ELK3: variants seen among roughly 807,000 people sequenced by gnomAD.
ELK3 encodes the protein ETS domain-containing protein Elk-3.
Under a neutral mutation model 28.9 loss-of-function variants are expected in ELK3, and 10 were observed. The ratio of observed to expected loss-of-function variants is 0.35; its 90% CI spans 0.21 to 0.59. The LOEUF is 0.59. ELK3 is among the 20% of genes least tolerant of loss of function. The probability of loss-of-function intolerance (pLI) is 0.82; values close to 1 mark genes in which losing one functional copy is unlikely to be tolerated. For synonymous variants in ELK3, 272 were observed against 243.5 expected (o/e 1.12, Z -1.09); for missense variants, 463 against 517.3 (o/e 0.90, Z 1.02).
chr12:96,202,032 A>T (rs1951510742), intron 1 of ELK3, among the ~76,000 whole-genome samples: 2 of 152,068 alleles, frequency 1.3e-5, no homozygotes, highest in African/African-American at 4.8e-5. Context: ...CACCTGGTGA[A>T]ATTCCTCCTC....
At chr12:96,258,935 C>T (rs1482361721) in intron 3 of ELK3, among the ~76,000 whole-genome samples, 1 of 152,188 alleles carries the variant, frequency 6.6e-6, no homozygotes, top group Non-Finnish European at 1.5e-5. Flanking sequence ...GAAGAGGCTG[C>T]TACAGGGTAT....
At chr12:96,234,259 C>T (rs76851726) in intron 2 of ELK3, among the ~76,000 whole-genome samples, 5,135 of 152,228 alleles carry the variant, frequency 0.034, 138 homozygotes, top group African/African-American at 0.077. Flanking sequence ...GCCAGAGGCC[C>T]GGGAGCGCCG....
intron 1 of ELK3, among the ~76,000 whole-genome samples, chr12:96,206,403 G>A (rs1951538769): frequency 6.6e-6 from 1 of 151,268 alleles, no homozygotes; most frequent in Non-Finnish European, 1.5e-5. Flanking sequence ...CACAACTTCC[G>A]CCTCCCAGGT....
intron 4 of ELK3, among the ~76,000 whole-genome samples, chr12:96,265,844 AAG>A (rs1209293074): frequency 6.6e-6 from 1 of 152,248 alleles, no homozygotes; most frequent in African/African-American, 2.4e-5. Flanking sequence ...ATTCTAGAAA[AAG>A]TTAAAATTCT....
In ELK3 at chr12:96,247,433, C is replaced by T; in HGVS notation, c.701C>T (p.Ser234Leu). Residue 234 changes from serine to leucine, a missense_variant, in exon 3 of 5, where the codon TCA becomes TTA. By Grantham distance (145) the Ser-to-Leu change is moderately radical. Around this residue, in one of 2 missense-constraint regions of ELK3, gnomAD observed 408 missense variants for 414.8 expected, o/e 0.98. Transcript: ENST00000228741. This position sits in a 1 kb window ranked among gnomAD's most constrained non-coding sequence, Gnocchi z 5.5. Reference protein sequence around the residue: ...SLMLPNAASISSASPFSSRSP... With the variant: ...SLMLPNAASILSASPFSSRSP... ...ATGTTGCCAAACGCTGCCAGTATTT[C>T]ATCCGCCTCACCCTTCTCATCTCGG... The T allele has an allele frequency of 6.2e-7, 1 of 1,614,162 alleles. No homozygotes were observed. The highest frequency in any genetic ancestry group is 2.2e-5 in the East Asian group (1 of 44,886).
Position 96,269,822 on chromosome 12 carries a change from G to A in ELK3, c.*2642G>A, listed in dbSNP as rs767306510. 1.3e-5 allele frequency: 2 copies of A among 152,076 alleles called. No homozygotes were observed. The highest frequency in any genetic ancestry group is 2.9e-5 in the Non-Finnish European group (2 of 68,006). 9.4% of individuals were successfully genotyped at this position (152,076 alleles called of 1,614,324 possible). ...TTCAATAAAAACTTTGTGATAAAAG[G>A]TGTTTAGAGGTAACTGGATTGGCTT... is the stretch of plus-strand genomic sequence containing the variant. On this transcript the variant is annotated 3_prime_UTR_variant, in exon 5 of 5. Transcript: ENST00000228741.
At chr12:96,262,678 G>A (rs2137044809) in intron 4 of ELK3, among the ~76,000 whole-genome samples, 1 of 152,282 alleles carries the variant, frequency 6.6e-6, no homozygotes, top group East Asian at 1.9e-4. Context: ...GGCAAAAGTT[G>A]AAAATAGCAA....
chr12:96,247,099 A>G lies in ELK3; in HGVS notation c.367A>G (p.Lys123Glu). Residue 123 changes from lysine (K) to glutamate (E), a missense_variant, in exon 3 of 5, where the codon AAA becomes GAA. By Grantham distance (56) the Lys-to-Glu change is moderately conservative. Around this residue, in one of 2 missense-constraint regions of ELK3, gnomAD observed 408 missense variants for 414.8 expected, o/e 0.98. Transcript: ENST00000228741. This position sits in a 1 kb window ranked among gnomAD's most constrained non-coding sequence, Gnocchi z 5.5. ...KASPEGREAH[K>E]HGLAALRSTS... ...GTCTCCGGAGGGCCGCGAGGCCCACAAACACGGCCTGGCCGCCCTCAGAAG... is the reference window on the plus strand; with the variant it reads ...GTCTCCGGAGGGCCGCGAGGCCCACGAACACGGCCTGGCCGCCCTCAGAAG... 1.2e-6 allele frequency: 2 copies of G among 1,613,742 alleles called. No homozygotes were observed. The highest frequency in any genetic ancestry group is 1.7e-6 in the Non-Finnish European group (2 of 1,179,896).
rs948640788 is a variant in ELK3, at chr12:96,267,188, T to C, written c.*8T>C. On this transcript the variant is annotated 3_prime_UTR_variant, in exon 5 of 5. Transcript: ENST00000228741. ...AACTCTCAGAAATCCTGATGACGTCTGGCCACAATTAAGGACTCATTAACT... is the reference window on the plus strand; with the variant it reads ...AACTCTCAGAAATCCTGATGACGTCCGGCCACAATTAAGGACTCATTAACT... The C allele has an allele frequency of 1.2e-6, 2 of 1,610,032 alleles. No homozygotes were observed. Among genetic ancestry groups the C allele is most frequent in the African/African-American group, 2.7e-5 (2 of 74,870 alleles).
intron 2 of ELK3, among the ~76,000 whole-genome samples, chr12:96,235,565 G>A (rs114928017): frequency 6.6e-6 from 1 of 152,258 alleles, no homozygotes; most frequent in African/African-American, 2.4e-5. Flanking sequence ...CCAAGAAAGC[G>A]TCTTGCCCTA....
rs946408915 is a variant in ELK3 at position 96,269,707 on chromosome 12, A to G, written c.*2527A>G. 6.6e-6 allele frequency: 1 copy of G among 152,256 alleles called. No homozygotes were observed. Among genetic ancestry groups the G allele is most frequent in the African/African-American group, 2.4e-5 (1 of 41,470 alleles). The allele number at this position is 152,256 out of a possible 1,614,324, so 9.4% of individuals were successfully genotyped here. ...TATGGGAAAAGTTTTATAGAACTAT[A>G]TAACCTGAATGTTGGTCTCTTTGTA... is the stretch of plus-strand genomic sequence containing the variant. On this transcript the variant is annotated 3_prime_UTR_variant, in exon 5 of 5. Coordinates refer to ENST00000228741, the MANE Select transcript of ELK3 (RefSeq NM_005230.4).
chr12:96,203,361 G>T (rs1951518562), intron 1 of ELK3, among the ~76,000 whole-genome samples: 1 of 152,244 alleles, frequency 6.6e-6, no homozygotes. Flanking sequence ...GGGGATGCCT[G>T]CACGTGTCTG....
intron 2 of ELK3, among the ~76,000 whole-genome samples, chr12:96,226,718 G>C (rs185147555): frequency 4.9e-4 from 74 of 150,688 alleles, no homozygotes; most frequent in Non-Finnish European, 8.7e-4. Context: ...ACATGTGCAC[G>C]CATGGCTGGT....
At chr12:96,210,597 A>ACACACACACCCCC (rs1416746905) in intron 1 of ELK3, among the ~76,000 whole-genome samples, 6 of 149,066 alleles carry the variant, frequency 4.0e-5, no homozygotes, top group Admixed American at 3.4e-4. Flanking sequence ...ACACACACAC[A>ACACACACACCCCC]CCCCGAGTGG....
At chr12:96,264,837 T>TA (rs1319388028) in intron 4 of ELK3, among the ~76,000 whole-genome samples, 9 of 152,198 alleles carry the variant, frequency 5.9e-5, no homozygotes, top group Non-Finnish European at 8.8e-5. Context: ...ATTGATGACT[T>TA]ATTGTGTGCA....
chr12:96,237,842 A>G (rs1287395173), intron 2 of ELK3, among the ~76,000 whole-genome samples: 1 of 152,232 alleles, frequency 6.6e-6, no homozygotes, highest in African/African-American at 2.4e-5. Context: ...TGTCGGAGAG[A>G]TACAGTAACT....
intron 3 of ELK3, among the ~76,000 whole-genome samples, chr12:96,251,357 C>T (rs1951904686): frequency 6.6e-6 from 1 of 152,108 alleles, no homozygotes; most frequent in East Asian, 1.9e-4. Context: ...CCTGTGTCTC[C>T]CTCTCCTTGG....
chr12:96,256,110 G>C (rs759938241), intron 3 of ELK3, among the ~76,000 whole-genome samples: 3 of 152,192 alleles, frequency 2.0e-5, no homozygotes, highest in Non-Finnish European at 4.4e-5. Flanking sequence ...GTACAGAATA[G>C]ATGGGGAGAC....
chr12:96,197,925 G>A (rs1181860502), intron 1 of ELK3: 1 of 152,170 alleles, frequency 6.6e-6, no homozygotes, highest in Non-Finnish European at 1.5e-5. Flanking sequence ...AGGACTTCCA[G>A]GCAGTGTATG....
Sources: allele counts gnomAD v4.1 joint callset (sites outside exome capture counted in the v4.1 genomes callset), GRCh38; gene constraint gnomAD v4.1.1; regional missense constraint gnomAD v4.1.1; non-coding constraint Gnocchi (gnomAD v3.1); transcripts MANE v1.5; gene names NCBI Gene and HGNC (gene_info 2026-07-23, HGNC 2026-07-21).